Variants in SLIT2 observed in about 807,000 individuals in gnomAD.
SLIT2 encodes slit homolog 2 protein.
In SLIT2, 41 loss-of-function variants were observed where a neutral mutation model predicts 185.7. That is an observed-to-expected ratio of 0.22 (90% CI 0.17 to 0.29). The LOEUF (loss-of-function observed/expected upper bound fraction) is 0.29. SLIT2 is among the 10% of genes least tolerant of loss of function. SLIT2 has a pLI of 1.00. For missense variants in SLIT2, 1,571 were observed against 1,909.0 expected, an observed-to-expected ratio of 0.82 and a Z score of 3.30; for synonymous variants, 693 against 680.2, an observed-to-expected ratio of 1.02 and a Z score of -0.29.
chr4:20,545,760 TTA>T (rs1419441743), intron 21 of SLIT2, among the ~76,000 whole-genome samples: 1 of 152,002 alleles, frequency 6.6e-6, no homozygotes, highest in Non-Finnish European at 1.5e-5. Context: ...AAAAGTACGG[TTA>T]ATTGAATGAA....
chr4:20,481,251 A>G (rs1560463222), intron 6 of SLIT2, among the ~76,000 whole-genome samples: 1 of 152,146 alleles, frequency 6.6e-6, no homozygotes, highest in Non-Finnish European at 1.5e-5. Flanking sequence ...CCTAAGGTTA[A>G]TAAGCCACCC....
At chr4:20,532,087 T>A (rs1362637295) in intron 17 of SLIT2, 29 bp downstream of exon 17, 10 of 1,225,440 alleles carry the variant, frequency 8.2e-6, no homozygotes, top group Non-Finnish European at 1.0e-5. Flanking sequence ...ATTTTTTTTA[T>A]TTCTGTAGCA....
chr4:20,401,758 A>G (rs565490568), intron 4 of SLIT2, among the ~76,000 whole-genome samples: 1 of 151,968 alleles, frequency 6.6e-6, no homozygotes, highest in African/African-American at 2.4e-5. Flanking sequence ...ACGATTCTTC[A>G]TCTAAAAATG....
intron 4 of SLIT2, among the ~76,000 whole-genome samples, chr4:20,272,079 GC>G (rs1187032578): frequency 6.6e-6 from 1 of 152,030 alleles, no homozygotes; most frequent in East Asian, 1.9e-4. Flanking sequence ...TAGTACAGTT[GC>G]AGCTGTGTTT....
chr4:20,573,671 A>G (rs1725822920), intron 29 of SLIT2, among the ~76,000 whole-genome samples: 1 of 152,194 alleles, frequency 6.6e-6, no homozygotes, highest in South Asian at 2.1e-4. Context: ...AAAATTTTTA[A>G]GTAAGACTGT....
chr4:20,397,100 A>C (rs1725958841), intron 4 of SLIT2, among the ~76,000 whole-genome samples: 2 of 151,856 alleles, frequency 1.3e-5, no homozygotes, highest in African/African-American at 4.8e-5. Context: ...TGATTAATTA[A>C]TTCATTTATT....
chr4:20,490,642 T>C (rs1396809638), intron 8 of SLIT2, among the ~76,000 whole-genome samples: 4 of 152,212 alleles, frequency 2.6e-5, no homozygotes, highest in African/African-American at 9.6e-5. Flanking sequence ...CTTGTTTGTG[T>C]TTTTTCACAT....
Position 20,618,932 on chromosome 4 carries a change from G to C in SLIT2, c.4513G>C (p.Glu1505Gln). The change falls in exon 37 of 37, where the codon GAA (glutamate) becomes CAA (glutamine). Residue 1505 changes from glutamate (E) to glutamine (Q), a missense_variant. This residue lies in a region of SLIT2 where 223 missense variants were observed against 245.2 expected (regional missense o/e 0.91). Coordinates refer to ENST00000504154, the MANE Select transcript of SLIT2 (RefSeq NM_004787.4). Reference protein sequence around the residue: ...LRSKRRKYSFECTDGSSFVDE... With the variant: ...LRSKRRKYSFQCTDGSSFVDE... ...GAGCAAGCGGCGGAAATACTCTTTC[G>C]AATGCACTGACGGCTCCTCCTTTGT... The C allele has an allele frequency of 2.5e-6, 4 of 1,614,082 alleles. No individual in the cohort carries two copies. Among genetic ancestry groups the C allele is most frequent in the Non-Finnish European group, 3.4e-6 (4 of 1,180,010 alleles).
At chr4:20,309,629 T>G (rs996793023) in intron 4 of SLIT2, among the ~76,000 whole-genome samples, 1 of 152,110 alleles carries the variant, frequency 6.6e-6, no homozygotes, top group African/African-American at 2.4e-5. Context: ...ATATACTTAA[T>G]TTGCTATATC....
intron 4 of SLIT2, among the ~76,000 whole-genome samples, chr4:20,395,559 T>C (rs1725824508): frequency 6.6e-6 from 1 of 152,002 alleles, no homozygotes; most frequent in African/African-American, 2.4e-5. Flanking sequence ...TATTATTTAA[T>C]TATCTTTCCT....
intron 29 of SLIT2, among the ~76,000 whole-genome samples, chr4:20,582,042 C>T (rs1726623875): frequency 6.6e-6 from 1 of 152,198 alleles, no homozygotes; most frequent in African/African-American, 2.4e-5. Context: ...CCACTGTGCC[C>T]AGCCAGAGTG....
chr4:20,285,351 G>T (rs1286526713), intron 4 of SLIT2, among the ~76,000 whole-genome samples: 3 of 152,142 alleles, frequency 2.0e-5, no homozygotes, highest in East Asian at 1.9e-4. Flanking sequence ...TTGCATCCAG[G>T]AAGTGTGCTC....
intron 4 of SLIT2, among the ~76,000 whole-genome samples, chr4:20,309,401 ACT>A (rs1272497614): frequency 2.0e-5 from 3 of 148,940 alleles, no homozygotes; most frequent in Admixed American, 6.7e-5. Context: ...TTCTTTATCC[ACT>A]CTCTTTTCTT....
chr4:20,573,883 G>A (rs2148923654), intron 29 of SLIT2, among the ~76,000 whole-genome samples: 1 of 151,950 alleles, frequency 6.6e-6, no homozygotes, highest in South Asian at 2.1e-4. Context: ...GCGTCAATAT[G>A]GGCCACCAGG....
chr4:20,494,099 T>G (rs914599614), intron 9 of SLIT2, among the ~76,000 whole-genome samples: 2 of 152,236 alleles, frequency 1.3e-5, no homozygotes, highest in African/African-American at 4.8e-5. Flanking sequence ...CTGACTTTTC[T>G]AGAATAATTG....
At chr4:20,511,762 T>C (rs921184549) in intron 11 of SLIT2, among the ~76,000 whole-genome samples, 3 of 151,686 alleles carry the variant, frequency 2.0e-5, no homozygotes, top group African/African-American at 7.3e-5. Flanking sequence ...AGAAAATATT[T>C]ATTTTGGAAA....
At chr4:20,367,053 C>T (rs1395323940) in intron 4 of SLIT2, among the ~76,000 whole-genome samples, 1 of 152,074 alleles carries the variant, frequency 6.6e-6, no homozygotes, top group Non-Finnish European at 1.5e-5. Context: ...CCTTCTTCAG[C>T]TTCCCAAAGG....
At chr4:20,417,585 G>A (rs180719363) in intron 4 of SLIT2, among the ~76,000 whole-genome samples, 4 of 151,428 alleles carry the variant, frequency 2.6e-5, no homozygotes, top group South Asian at 2.1e-4. Context: ...GCAGTGGTGC[G>A]ATCTCAGCTC....
intron 29 of SLIT2, among the ~76,000 whole-genome samples, chr4:20,589,193 A>G (rs1727304398): frequency 6.6e-6 from 1 of 152,084 alleles, no homozygotes; most frequent in African/African-American, 2.4e-5. Flanking sequence ...ACCGGGGGGA[A>G]GGCTTCTGGG....
Sources: gnomAD v4.1 joint callset for allele counts (sites outside exome capture counted in the v4.1 genomes callset) on GRCh38, gnomAD v4.1.1 for gene constraint, gnomAD v4.1.1 regional missense constraint, MANE v1.5 for transcripts, NCBI Gene and HGNC (gene_info 2026-07-23, HGNC 2026-07-21) for gene names.